The following YME1L1 variants were observed in gnomAD, a reference collection of about 807,000 sequenced individuals.
The protein encoded by YME1L1 is YME1 like 1 ATPase.
Under a neutral mutation model 90.4 loss-of-function variants are expected in YME1L1, and 39 were observed. The observed-to-expected ratio is 0.43, with a 90% CI of 0.33 to 0.56. The LOEUF (loss-of-function observed/expected upper bound fraction) is 0.56. Among genes scored for constraint, YME1L1 ranks in the 20% least tolerant of loss-of-function variants. YME1L1 has a pLI of 0.03. For missense variants in YME1L1, 617 were observed against 868.4 expected (o/e 0.71, Z 3.64); for synonymous variants, 284 against 287.3 (o/e 0.99, Z 0.12).
At chr10:27,121,534 T>G in intron 11 of YME1L1, 86 bp from the exon 12 acceptor site, 1 of 1,001,482 alleles carries the variant, frequency 1.0e-6, no homozygotes, top group Non-Finnish European at 1.5e-6. Context: ...TGGTTTGTTT[T>G]CTTTTTTTGA....
At chr10:27,120,335 G>C in intron 13 of YME1L1, 100 bp downstream of exon 13, 1 of 759,858 alleles carries the variant, frequency 1.3e-6, no homozygotes, top group Non-Finnish European at 2.1e-6. Flanking sequence ...AAATGAACTG[G>C]TCTTTTAATG....
At chr10:27,121,360 C>A in intron 12 of YME1L1, 26 bp downstream of exon 12, 2 of 1,550,406 alleles carry the variant, frequency 1.3e-6, no homozygotes, top group Non-Finnish European at 1.8e-6. Flanking sequence ...AACAGTACTT[C>A]ACAAAAATCT....
chr10:27,113,689 G>GA (rs969816051), intron 18 of YME1L1, among the ~76,000 whole-genome samples: 5 of 139,514 alleles, frequency 3.6e-5, no homozygotes, highest in African/African-American at 1.3e-4. Flanking sequence ...AAAAAAAAAA[G>GA]AAAAAACAAA....
intron 1 of YME1L1, among the ~76,000 whole-genome samples, chr10:27,149,431 C>G (rs984013447): frequency 3.3e-5 from 5 of 152,088 alleles, no homozygotes; most frequent in Non-Finnish European, 7.4e-5. Context: ...TACCACTGGT[C>G]GAGTGCAGTG....
At position 27,154,348 on chromosome 10, in the gene YME1L1, AT is replaced by A; in HGVS notation, c.-139del. 1 of 1,031,028 alleles carries A rather than the reference AT, an allele frequency of 9.7e-7. No homozygotes were observed. Among genetic ancestry groups the A allele is most frequent in the African/African-American group, 1.6e-5 (1 of 61,848 alleles). The allele number at this position is 1,031,028 out of a possible 1,614,324, so 63.9% of individuals were successfully genotyped here. ...CCCTCACTCCTCCCAGAAACGGAAAATGGCCTCCCCTTCCTACAGCTACTGC... is the reference window on the plus strand; with the variant it reads ...CCCTCACTCCTCCCAGAAACGGAAAAGGCCTCCCCTTCCTACAGCTACTGC... On this transcript the variant is annotated 5_prime_UTR_variant, in exon 1 of 19. Coordinates refer to ENST00000376016, the MANE Select transcript of YME1L1 (RefSeq NM_014263.4).
At chr10:27,118,651 C>A (rs896742412) in intron 14 of YME1L1, among the ~76,000 whole-genome samples, 1 of 152,192 alleles carries the variant, frequency 6.6e-6, no homozygotes, top group Admixed American at 6.5e-5. Flanking sequence ...AACAATTTAA[C>A]TGAAAACCAA....
intron 18 of YME1L1, among the ~76,000 whole-genome samples, chr10:27,113,689 G>C (rs1050694243): frequency 2.9e-5 from 4 of 139,514 alleles, no homozygotes; most frequent in East Asian, 2.1e-4. Flanking sequence ...AAAAAAAAAA[G>C]AAAAAACAAA....
chr10:27,114,548 G>T lies in YME1L1; in HGVS notation c.1980C>A (p.Ile660=). 1 of 1,613,714 alleles carries T rather than the reference G, an allele frequency of 6.2e-7. No homozygotes were observed. The highest frequency in any genetic ancestry group is 8.5e-7 in the Non-Finnish European group (1 of 1,179,852). Residue 660 remains isoleucine (I), a synonymous_variant, in exon 18 of 19, where the codon ATC becomes ATA. Coordinates refer to ENST00000376016, the MANE Select transcript of YME1L1 (RefSeq NM_014263.4). ...TTAGAAGGATTCTTATTTCTTGTTC[G>T]ATGGCAGATTGGGTTTCTGGACTTA... ...GKLSPETQSA[I]EQEIRILLRD...
At chr10:27,153,846 C>T (rs1414134558) in intron 1 of YME1L1, among the ~76,000 whole-genome samples, 2 of 152,154 alleles carry the variant, frequency 1.3e-5, no homozygotes, top group African/African-American at 2.4e-5. Flanking sequence ...ATGTATGGTA[C>T]AGACATTTTC....
intron 14 of YME1L1, among the ~76,000 whole-genome samples, chr10:27,118,739 G>T (rs999931489): frequency 1.3e-5 from 2 of 152,116 alleles, no homozygotes; most frequent in Non-Finnish European, 2.9e-5. Flanking sequence ...AGTTTAACAA[G>T]AATATCATAA....
intron 9 of YME1L1, among the ~76,000 whole-genome samples, chr10:27,124,964 T>C (rs1300020274): frequency 6.6e-6 from 1 of 152,218 alleles, no homozygotes; most frequent in African/African-American, 2.4e-5. Flanking sequence ...GCCAGTGATA[T>C]TAGCTAAAGT....
chr10:27,120,359 C>G, intron 13 of YME1L1, 76 bp downstream of exon 13: 1 of 1,018,578 alleles, frequency 9.8e-7, no homozygotes, highest in East Asian at 2.5e-5. Flanking sequence ...ATACATGTAT[C>G]ATGAAAGGAC....
rs1359282919 is a variant in YME1L1 at position 27,112,021 on chromosome 10, C to T, written c.2107G>A (p.Glu703Lys). Residue 703 changes from glutamate (E) to lysine (K), a missense_variant, in exon 19 of 19, where the codon GAG (glutamate) becomes AAG (lysine). Physicochemically the swap from Glu to Lys is moderately conservative, Grantham distance 56. Transcript: ENST00000376016. ...TTCCCCTCAAGAACAATTTGAATCT[C>T]TTTGGCATCCAAAGTCTCATAGGTC... ...LLTYETLDAK[E>K]IQIVLEGKKL... 6.2e-7 allele frequency: 1 copy of T among 1,614,092 alleles called. No homozygotes were observed. Among genetic ancestry groups the T allele is most frequent in the South Asian group, 1.1e-5 (1 of 91,086 alleles).
chr10:27,154,212 T>A lies in YME1L1; in HGVS notation c.-2A>T. On this transcript the variant is annotated 5_prime_UTR_variant, in exon 1 of 19. Coordinates refer to ENST00000376016, the MANE Select transcript of YME1L1 (RefSeq NM_014263.4). ...CACCGTGCTCGACAAGGAAAACATC[T>A]CCGGCGGGCCCTCAGCGACCTCACC... 1.3e-6 allele frequency: 2 copies of A among 1,589,176 alleles called. No homozygotes were observed. Among genetic ancestry groups the A allele is most frequent in the Non-Finnish European group, 1.7e-6 (2 of 1,167,016 alleles).
intron 12 of YME1L1, 31 bp downstream of exon 12, chr10:27,121,355 T>C: frequency 3.3e-6 from 5 of 1,500,698 alleles, no homozygotes; most frequent in Non-Finnish European, 4.6e-6. Flanking sequence ...CATGTAACAG[T>C]ACTTCACAAA....
At chr10:27,118,982 C>T (rs73598024) in intron 14 of YME1L1, among the ~76,000 whole-genome samples, 7,907 of 152,056 alleles carry the variant, frequency 0.052, 212 homozygotes, top group African/African-American at 0.069. Context: ...TAAAGCTTTC[C>T]AGTCAGAAAA....
At chr10:27,140,548 G>A (rs7907492) in intron 4 of YME1L1, among the ~76,000 whole-genome samples, 34,068 of 151,902 alleles carry the variant, frequency 0.22, 4,109 homozygotes, top group East Asian at 0.41. Flanking sequence ...GCGCGGTCTC[G>A]GCTCACTGCA....
rs555700392 is a variant in YME1L1 at position 27,121,906 on chromosome 10, T to TTA, written c.1236-460_1236-459dup. Among the ~76,000 whole-genome samples the TTA allele has an allele frequency of 4.9e-3, 748 of 152,184 alleles. 2 individuals carry two copies. The highest frequency in any genetic ancestry group is 5.6e-3 in the Non-Finnish European group (384 of 68,004). On this transcript the variant is annotated intron_variant, in intron 11 of 18. Coordinates refer to ENST00000376016, the MANE Select transcript of YME1L1 (RefSeq NM_014263.4). Reference sequence around the variant, plus strand: ...GCCTGCCACCACACCCAGCTAATTCTTATATTTTTAGTAAAGACGGGGTTT... The same window carrying TTA: ...GCCTGCCACCACACCCAGCTAATTCTTATATATTTTTAGTAAAGACGGGGTTT...
intron 8 of YME1L1, chr10:27,129,100 A>AAC (rs1564460771): frequency 2.7e-5 from 4 of 150,328 alleles, no homozygotes; most frequent in African/African-American, 9.9e-5. Context: ...AAAAAAAAAA[A>AAC]AAAAAAAAAA....
Sources: gnomAD v4.1 joint callset for allele counts (sites outside exome capture counted in the v4.1 genomes callset) on GRCh38, gnomAD v4.1.1 for gene constraint, MANE v1.5 for transcripts, NCBI Gene and HGNC (gene_info 2026-07-23, HGNC 2026-07-21) for gene names.